Variants in PTPRT observed in about 807,000 individuals in gnomAD.
The protein encoded by PTPRT is receptor-type tyrosine-protein phosphatase T.
PTPRT carries 56 observed loss-of-function variants against 176.8 expected under a neutral mutation model. That is an observed-to-expected ratio of 0.32 (90% CI 0.26 to 0.40). PTPRT has a LOEUF of 0.40. Among genes scored for constraint, PTPRT ranks in the 10% least tolerant of loss-of-function variants. The pLI is 1.00. For missense variants in PTPRT, 1,540 were observed against 1,908.2 expected, an observed-to-expected ratio of 0.81 and a Z score of 3.60; for synonymous variants, 783 against 739.0, an observed-to-expected ratio of 1.06 and a Z score of -0.96.
At chr20:42,650,265 C>T (rs374950868) in intron 7 of PTPRT, among the ~76,000 whole-genome samples, 5 of 152,240 alleles carry the variant, frequency 3.3e-5, no homozygotes, top group African/African-American at 1.2e-4. Flanking sequence ...AACCAACCTC[C>T]AATACCCTGT....
intron 11 of PTPRT, among the ~76,000 whole-genome samples, chr20:42,326,803 T>A (rs1052462646): frequency 6.6e-6 from 1 of 152,118 alleles, no homozygotes; most frequent in Non-Finnish European, 1.5e-5. Context: ...TCTTGCCAAA[T>A]TGATGTATTG....
intron 12 of PTPRT, among the ~76,000 whole-genome samples, chr20:42,290,179 A>G (rs1600788671): frequency 1.3e-5 from 2 of 151,924 alleles, no homozygotes; most frequent in Admixed American, 6.6e-5. Context: ...TGGGGAATGG[A>G]AAAAAAAGCT....
At chr20:42,731,138 C>T (rs929795960) in intron 6 of PTPRT, among the ~76,000 whole-genome samples, 2 of 152,154 alleles carry the variant, frequency 1.3e-5, no homozygotes, top group Non-Finnish European at 2.9e-5. Flanking sequence ...ACATCTTCAC[C>T]TAGCCTGCAA....
At chr20:42,598,658 C>CT (rs1233356980) in intron 7 of PTPRT, among the ~76,000 whole-genome samples, 1 of 151,474 alleles carries the variant, frequency 6.6e-6, no homozygotes, top group African/African-American at 2.4e-5. Context: ...TTCCTGCTAT[C>CT]TTTTTTTTAA....
chr20:42,557,120 C>A (rs1638837643), intron 7 of PTPRT, among the ~76,000 whole-genome samples: 1 of 152,190 alleles, frequency 6.6e-6, no homozygotes, highest in African/African-American at 2.4e-5. Context: ...CATGGAAAGG[C>A]TGTATTGCCT....
At chr20:42,455,158 G>C (rs979806614) in intron 8 of PTPRT, among the ~76,000 whole-genome samples, 3 of 152,128 alleles carry the variant, frequency 2.0e-5, no homozygotes, top group Non-Finnish European at 4.4e-5. Context: ...TAATAGGGAA[G>C]TATAATTTTT....
At chr20:43,185,164 A>C (rs1056363888) in intron 1 of PTPRT, among the ~76,000 whole-genome samples, 1 of 152,226 alleles carries the variant, frequency 6.6e-6, no homozygotes, top group African/African-American at 2.4e-5. Context: ...TCCTGGACCC[A>C]ATTCTGTAAG....
intron 7 of PTPRT, among the ~76,000 whole-genome samples, chr20:42,536,164 T>C (rs1196764313): frequency 1.3e-5 from 2 of 152,096 alleles, no homozygotes; most frequent in African/African-American, 2.4e-5. Flanking sequence ...AGCTCTGTTT[T>C]AACCATTTCA....
At chr20:42,821,574 G>A (rs536352250) in intron 2 of PTPRT, among the ~76,000 whole-genome samples, 23 of 152,158 alleles carry the variant, frequency 1.5e-4, no homozygotes, top group African/African-American at 5.6e-4. Flanking sequence ...TACCAGGCAA[G>A]AGGAAGAAAT....
chr20:42,670,900 G>A (rs2075401411), intron 7 of PTPRT, among the ~76,000 whole-genome samples: 1 of 152,184 alleles, frequency 6.6e-6, no homozygotes, highest in African/African-American at 2.4e-5. Context: ...CTGAAGACCT[G>A]TTTTTGAGAT....
chr20:42,852,225 G>C (rs927991224), intron 2 of PTPRT, among the ~76,000 whole-genome samples: 6 of 152,056 alleles, frequency 3.9e-5, no homozygotes, highest in Admixed American at 2.6e-4. Flanking sequence ...TAATCACTTT[G>C]GGGGAGAATT....
chr20:42,234,639 G>A lies in PTPRT; in HGVS notation c.2342+1590C>T, dbSNP rs142768378. Among the ~76,000 whole-genome samples, 34 of 152,318 alleles carry A rather than the reference G, an allele frequency of 2.2e-4. 1 individual carries two copies. In the East Asian group the frequency reaches 3.9e-3, roughly 17 times the overall value. Reference sequence around the variant, plus strand: ...TCAGCTAACGTTTCTAATAGGTGACGTTATGCTAGTCTCTCAGATAGGCTT... The same window carrying A: ...TCAGCTAACGTTTCTAATAGGTGACATTATGCTAGTCTCTCAGATAGGCTT... On this transcript the variant is annotated intron_variant, in intron 15 of 30. Transcript: ENST00000373187.
chr20:42,696,461 T>A (rs6093718), intron 6 of PTPRT, among the ~76,000 whole-genome samples: 13,002 of 121,814 alleles, frequency 0.11, 654 homozygotes, highest in South Asian at 0.16. Flanking sequence ...ATGAATTATT[T>A]TTTTTTTTTT....
chr20:42,158,489 G>A (rs1989452021), intron 17 of PTPRT, among the ~76,000 whole-genome samples: 2 of 152,172 alleles, frequency 1.3e-5, no homozygotes, highest in African/African-American at 2.4e-5. Flanking sequence ...GAGCAGAGAA[G>A]TGACAGGCAA....
At chr20:42,589,717 G>C (rs190290493) in intron 7 of PTPRT, among the ~76,000 whole-genome samples, 1 of 152,240 alleles carries the variant, frequency 6.6e-6, no homozygotes, top group African/African-American at 2.4e-5. Context: ...GCTAGGCTCT[G>C]GGGGTAGGAT....
intron 6 of PTPRT, among the ~76,000 whole-genome samples, chr20:42,748,277 G>A (rs2076719465): frequency 6.6e-6 from 1 of 152,144 alleles, no homozygotes; most frequent in South Asian, 2.1e-4. Flanking sequence ...AAACTTAGGA[G>A]GTAGAGCAGA....
At chr20:43,128,727 C>A (rs1460326511) in intron 1 of PTPRT, among the ~76,000 whole-genome samples, 3 of 152,154 alleles carry the variant, frequency 2.0e-5, no homozygotes, top group African/African-American at 7.2e-5. Context: ...GCTTCACTGG[C>A]CTTCAGCACA....
At chr20:42,654,803 G>A (rs554598514) in intron 7 of PTPRT, among the ~76,000 whole-genome samples, 3 of 152,306 alleles carry the variant, frequency 2.0e-5, no homozygotes, top group South Asian at 2.1e-4. Context: ...GTAGTGAGAT[G>A]AGAGTTTAAA....
chr20:42,689,102 C>A (rs1191958854), intron 6 of PTPRT, among the ~76,000 whole-genome samples: 1 of 152,140 alleles, frequency 6.6e-6, no homozygotes, highest in African/African-American at 2.4e-5. Flanking sequence ...GCCTGAAGAC[C>A]CACAGAGCTA....
Sources: gnomAD v4.1 joint callset for allele counts (sites outside exome capture counted in the v4.1 genomes callset) on GRCh38, gnomAD v4.1.1 for gene constraint, MANE v1.5 for transcripts, NCBI Gene and HGNC (gene_info 2026-07-23, HGNC 2026-07-21) for gene names.